Variants in NIPSNAP1 observed in about 807,000 individuals in gnomAD.
NIPSNAP1 encodes nipsnap homolog 1.
NIPSNAP1 carries 25 observed loss-of-function variants against 49.2 expected under a neutral mutation model. That is an observed-to-expected ratio of 0.51 (90% CI 0.37 to 0.71). NIPSNAP1 has a LOEUF of 0.71. Ranked by LOEUF, NIPSNAP1 falls within the 30% of genes least tolerant of loss-of-function variation. The pLI, the probability that NIPSNAP1 is intolerant of heterozygous loss-of-function variation, is 0.00. For missense variants in NIPSNAP1, 294 were observed against 361.0 expected, an observed-to-expected ratio of 0.81 and a Z score of 1.50; for synonymous variants, 143 against 140.7, an observed-to-expected ratio of 1.02 and a Z score of -0.12.
At chr22:29,574,189 G>A (rs1423186946) in intron 1 of NIPSNAP1, among the ~76,000 whole-genome samples, 1 of 147,400 alleles carries the variant, frequency 6.8e-6, no homozygotes, top group African/African-American at 2.5e-5. Context: ...AATCCAGGAG[G>A]CGGAGGCTGC....
intron 1 of NIPSNAP1, among the ~76,000 whole-genome samples, chr22:29,579,373 T>C (rs1171716263): frequency 6.8e-6 from 1 of 146,696 alleles, no homozygotes; most frequent in African/African-American, 2.5e-5. Context: ...CTCGGCTCAC[T>C]GCAAGCTCCG....
At position 29,561,173 on chromosome 22, in the gene NIPSNAP1, G is replaced by C; in HGVS notation, c.609C>G (p.Asn203Lys). The change falls in exon 7 of 10, where the codon AAC (asparagine) becomes AAG (lysine). Residue 203 changes from asparagine (N) to lysine (K), a missense_variant and splice_region_variant. Physicochemically the swap from Asn to Lys is moderately conservative, Grantham distance 94. Coordinates refer to ENST00000216121, the MANE Select transcript of NIPSNAP1 (RefSeq NM_003634.4). ...KPGTMIEWGN[N>K]WARAIKYRQE... ...CCAGTCTTGGTGCTGCCACTTACCA[G>C]TTGTTCCCCCACTCGATCATGGTTC... 1 of 1,613,156 alleles carries C rather than the reference G, an allele frequency of 6.2e-7. No homozygotes were observed. Among genetic ancestry groups the C allele is most frequent in the Non-Finnish European group, 8.5e-7 (1 of 1,179,360 alleles).
intron 1 of NIPSNAP1, among the ~76,000 whole-genome samples, chr22:29,573,999 T>C (rs1389609501): frequency 2.6e-5 from 4 of 151,710 alleles, no homozygotes; most frequent in Admixed American, 2.0e-4. Context: ...CTCATGCCTG[T>C]AATCCTAGCA....
At chr22:29,569,747 C>CG (rs905107096) in intron 3 of NIPSNAP1, 5 of 331,598 alleles carry the variant, frequency 1.5e-5, no homozygotes, top group African/African-American at 1.1e-4. Context: ...TCCCAGCACT[C>CG]GGAGGCCGAG....
At chr22:29,580,380 T>A in intron 1 of NIPSNAP1, 1 of 607,298 alleles carries the variant, frequency 1.6e-6, no homozygotes, top group Non-Finnish European at 2.1e-6. Flanking sequence ...CCAGCCAGAC[T>A]CCCACTCCCA....
intron 1 of NIPSNAP1, among the ~76,000 whole-genome samples, chr22:29,577,170 C>T (rs2064459099): frequency 1.3e-5 from 2 of 151,002 alleles, no homozygotes; most frequent in South Asian, 4.2e-4. Flanking sequence ...CTCACTGCAT[C>T]CTCTATCTCC....
At chr22:29,568,490 AAAAAAG>A (rs1319036890) in intron 4 of NIPSNAP1, among the ~76,000 whole-genome samples, 3 of 118,138 alleles carry the variant, frequency 2.5e-5, no homozygotes, top group Non-Finnish European at 5.6e-5. Flanking sequence ...CTCAAAAAAG[AAAAAAG>A]AAAAAAAAAA....
At chr22:29,580,950 C>CA (rs2064493578) in intron 1 of NIPSNAP1, 35 bp downstream of exon 1, 7 of 1,492,732 alleles carry the variant, frequency 4.7e-6, no homozygotes, top group Non-Finnish European at 5.3e-6. Flanking sequence ...CACCCCACCC[C>CA]GCGCGCGTCT....
Position 29,570,035 on chromosome 22 carries a change from A to G in NIPSNAP1, c.272+127T>C. Reference sequence around the variant, plus strand: ...AGAAAGAAAGAAAGAAAAAGGCAGAAATAAAAGAAATCTACATCTCCTGGA... The same window carrying G: ...AGAAAGAAAGAAAGAAAAAGGCAGAGATAAAAGAAATCTACATCTCCTGGA... On this transcript the variant is annotated intron_variant, in intron 3 of 9. Coordinates refer to ENST00000216121, the MANE Select transcript of NIPSNAP1 (RefSeq NM_003634.4). 3.8e-6 allele frequency: 3 copies of G among 795,386 alleles called. No individual in the cohort carries two copies. In the Middle Eastern group the frequency reaches 6.8e-4, roughly 181 times the overall value. The allele number at this position is 795,386 out of a possible 1,614,324, so 49.3% of individuals were successfully genotyped here.
rs1465782293 is a variant in NIPSNAP1, at chr22:29,555,099, G to A, written c.*836C>T. The stretch of plus-strand genomic sequence containing the variant: ...AGGGCAGGAGAGACTCTGCATAGAA[G>A]GACTGGAACTACACATTTAAGTTTT... On this transcript the variant is annotated 3_prime_UTR_variant, in exon 10 of 10. Transcript: ENST00000216121. 6.6e-6 allele frequency: 1 copy of A among 152,502 alleles called. No homozygotes were observed. Among genetic ancestry groups the A allele is most frequent in the Non-Finnish European group, 1.5e-5 (1 of 68,182 alleles). 9.4% of individuals were successfully genotyped at this position (152,502 alleles called of 1,614,324 possible).
chr22:29,560,235 CCCTG>C, intron 8 of NIPSNAP1, among the ~76,000 whole-genome samples: 1 of 132,556 alleles, frequency 7.5e-6, no homozygotes, highest in East Asian at 2.0e-4. Context: ...CATCATCTCT[CCCTG>C]CCTTTTTTTT....
At chr22:29,558,116 T>C (rs546100930) in intron 9 of NIPSNAP1, among the ~76,000 whole-genome samples, 1 of 152,226 alleles carries the variant, frequency 6.6e-6, no homozygotes, top group African/African-American at 2.4e-5. Context: ...AAAAACCTTA[T>C]TCAAAAACAT....
intron 1 of NIPSNAP1, among the ~76,000 whole-genome samples, chr22:29,578,953 C>A (rs920750927): frequency 6.6e-6 from 1 of 151,322 alleles, no homozygotes; most frequent in Admixed American, 6.6e-5. Flanking sequence ...ATGATCTTCC[C>A]AGAGCCCTTT....
chr22:29,568,178 C>CA lies in NIPSNAP1; in HGVS notation c.367+1014dup, dbSNP rs33974680. Among the ~76,000 whole-genome samples the CA allele has an allele frequency of 8.2e-3, 333 of 40,504 alleles. 3 individuals are homozygous for CA. The highest frequency in any genetic ancestry group is 0.067 in the Middle Eastern group (2 of 30). The allele number at this position is 40,504 out of a possible 152,430, so 26.6% of individuals were successfully genotyped here. A position where few individuals can be genotyped will look rare whatever the true frequency, so the allele number is the denominator to read the frequency against. On this transcript the variant is annotated intron_variant, in intron 4 of 9. Coordinates refer to ENST00000216121, the MANE Select transcript of NIPSNAP1 (RefSeq NM_003634.4). The stretch of plus-strand genomic sequence containing the variant: ...TGTGTGACAGAGCAAGACCCTGTCT[C>CA]AAAAAAAAAAAAAAAAAAAAAAAAG...
intron 1 of NIPSNAP1, among the ~76,000 whole-genome samples, chr22:29,578,480 T>C (rs1195436922): frequency 6.6e-6 from 1 of 151,062 alleles, no homozygotes; most frequent in African/African-American, 2.5e-5. Flanking sequence ...CCCAGGTCCA[T>C]CTGATTTCAA....
chr22:29,557,206 C>T (rs1204519206), intron 9 of NIPSNAP1, among the ~76,000 whole-genome samples: 1 of 150,874 alleles, frequency 6.6e-6, no homozygotes, highest in Non-Finnish European at 1.5e-5. Flanking sequence ...GCAACCTCCG[C>T]CTCCTGGGTT....
chr22:29,571,805 T>C (rs1473090663), intron 1 of NIPSNAP1, among the ~76,000 whole-genome samples: 2 of 152,036 alleles, frequency 1.3e-5, no homozygotes, highest in Non-Finnish European at 2.9e-5. Flanking sequence ...GACAGAGTCT[T>C]GCTCTTGTTG....
intron 1 of NIPSNAP1, among the ~76,000 whole-genome samples, chr22:29,574,289 A>AAAAAAAGAAAGAAAAAG (rs2064434492): frequency 4.3e-4 from 54 of 125,238 alleles, no homozygotes; most frequent in African/African-American, 1.6e-3. Flanking sequence ...AAAAAAAAAA[A>AAAAAAAGAAAGAAAAAG]AAAGAAAGAA....
At chr22:29,566,817 G>A (rs563947265) in intron 4 of NIPSNAP1, among the ~76,000 whole-genome samples, 5 of 150,912 alleles carry the variant, frequency 3.3e-5, no homozygotes, top group Admixed American at 1.3e-4. Flanking sequence ...AGAGTGAGAC[G>A]CTGTCTCAAA....
Sources: allele counts gnomAD v4.1 joint callset (sites outside exome capture counted in the v4.1 genomes callset), GRCh38; gene constraint gnomAD v4.1.1; transcripts MANE v1.5; gene names NCBI Gene and HGNC (gene_info 2026-07-23, HGNC 2026-07-21).